The following BRI3 variants were observed in gnomAD, a reference collection of about 807,000 sequenced individuals.
BRI3 encodes the protein brain protein I3.
In BRI3, 6 loss-of-function variants were observed where a neutral mutation model predicts 12.8. That is an observed-to-expected ratio of 0.47 (90% CI 0.26 to 0.93). The LOEUF is 0.93. Among genes scored for constraint, BRI3 ranks in the 40% least tolerant of loss-of-function variants. The pLI is 0.15. For missense variants in BRI3, 134 were observed against 171.1 expected (o/e 0.78, Z 1.21); for synonymous variants, 91 against 76.1 (o/e 1.20, Z -1.02).
exon 2 of BRI3, chr7:98,310,271 A>C: frequency 1.7e-6 from 1 of 605,570 alleles, no homozygotes; most frequent in Non-Finnish European, 2.8e-6. Context: ...CTCACAGTCT[A>C]GTCCTGTATT....
the BRI3 span, chr7:98,315,659 T>A: frequency 1.3e-5 from 13 of 1,003,052 alleles, no homozygotes; most frequent in African/African-American, 2.2e-4. Context: ...AAGCATGACA[T>A]GAGCATCAGA....
downstream of BRI3, chr7:98,311,961 AG>A: frequency 1.2e-6 from 1 of 845,246 alleles, no homozygotes; most frequent in Non-Finnish European, 1.8e-6. Flanking sequence ...CCTAAAGGTA[AG>A]GGGATAGAGG....
chr7:98,315,432 G>A (rs2107716), downstream of BRI3: 630,313 of 1,377,078 alleles, frequency 0.46, 150,569 homozygotes, highest in Middle Eastern at 0.53. Flanking sequence ...TTATTAATAC[G>A]CTCAAGGCAA....
intron 1 of BRI3, among the ~76,000 whole-genome samples, chr7:98,299,456 C>A (rs1174791860): frequency 6.6e-6 from 1 of 152,140 alleles, no homozygotes; most frequent in Non-Finnish European, 1.5e-5. Context: ...CCGTGCCCGG[C>A]AGGCTGCCAT....
intron 2 of BRI3, chr7:98,282,748 C>T: frequency 2.9e-6 from 1 of 350,604 alleles, no homozygotes; most frequent in Non-Finnish European, 5.3e-6. Flanking sequence ...CAACGGGACT[C>T]GTGGTCCTTT....
intron 2 of BRI3, among the ~76,000 whole-genome samples, chr7:98,289,081 C>T (rs1333821014): frequency 6.6e-6 from 1 of 152,124 alleles, no homozygotes; most frequent in Non-Finnish European, 1.5e-5. Context: ...TTTCAGCTTC[C>T]CGAGTAGCTG....
chr7:98,312,444 G>A (rs1800907928), downstream of BRI3, among the ~76,000 whole-genome samples: 2 of 152,210 alleles, frequency 1.3e-5, no homozygotes. Context: ...CTCACCGGCT[G>A]AGAGGGGCAA....
At chr7:98,294,232 A>T (rs1231720060), downstream of BRI3, 4 of 1,001,446 alleles carry the variant, frequency 4.0e-6, no homozygotes, top group East Asian at 1.1e-4. Context: ...AGCTCACGTG[A>T]TCCTTCCACC....
chr7:98,283,997 G>A (rs1310932521), intron 2 of BRI3, among the ~76,000 whole-genome samples: 2 of 152,236 alleles, frequency 1.3e-5, no homozygotes, highest in African/African-American at 4.8e-5. Flanking sequence ...CCCTGCGGAG[G>A]CCCATGGCTT....
chr7:98,290,350 C>T (rs1312348909), intron 2 of BRI3, among the ~76,000 whole-genome samples: 9 of 151,732 alleles, frequency 5.9e-5, no homozygotes, highest in South Asian at 2.1e-4. Flanking sequence ...CGCCCGCCAC[C>T]GCGCCCGGCT....
the BRI3 span, among the ~76,000 whole-genome samples, chr7:98,318,667 C>T: frequency 4.0e-5 from 6 of 151,282 alleles, no homozygotes; most frequent in Non-Finnish European, 7.4e-5. Context: ...GATGTCTGGC[C>T]GGCATGGTGG....
intron 2 of BRI3, among the ~76,000 whole-genome samples, chr7:98,287,256 G>T (rs1477013882): frequency 6.6e-6 from 1 of 152,244 alleles, no homozygotes. Flanking sequence ...CGGTGTGGAG[G>T]TGGGCAGGAG....
chr7:98,293,423 A>G (rs533721569), downstream of BRI3: 2 of 1,154,418 alleles, frequency 1.7e-6, no homozygotes, highest in African/African-American at 3.0e-5. Context: ...AGGCCTCTCC[A>G]CTGAAGCTTC....
At chr7:98,305,686 G>A (rs543807902), upstream of BRI3, among the ~76,000 whole-genome samples, 1 of 152,288 alleles carries the variant, frequency 6.6e-6, no homozygotes, top group Admixed American at 6.5e-5. Flanking sequence ...ATCTCCCAAA[G>A]TGCTGGGATT....
chr7:98,304,773 T>C (rs997243898), upstream of BRI3, among the ~76,000 whole-genome samples: 4 of 151,924 alleles, frequency 2.6e-5, no homozygotes, highest in African/African-American at 9.7e-5. Flanking sequence ...GGTCTTGAAC[T>C]CCTGACCTCA....
intron 2 of BRI3, among the ~76,000 whole-genome samples, chr7:98,284,484 A>G (rs965682664): frequency 6.6e-6 from 1 of 152,124 alleles, no homozygotes; most frequent in Non-Finnish European, 1.5e-5. Flanking sequence ...CCTCTCTGCG[A>G]GGAGAGTGGA....
chr7:98,286,807 A>T (rs975044761), intron 2 of BRI3, among the ~76,000 whole-genome samples: 1 of 152,268 alleles, frequency 6.6e-6, no homozygotes, highest in Non-Finnish European at 1.5e-5. Flanking sequence ...ATGAATATTC[A>T]GATAAAGTAG....
downstream of BRI3, among the ~76,000 whole-genome samples, chr7:98,295,848 A>G (rs1051639663): frequency 2.0e-5 from 3 of 152,202 alleles, no homozygotes; most frequent in Non-Finnish European, 2.9e-5. Flanking sequence ...CAAAGAACGC[A>G]GCAAGAAGCA....
downstream of BRI3, chr7:98,292,521 A>C (rs1174223724): frequency 3.0e-6 from 3 of 984,484 alleles, no homozygotes; most frequent in Non-Finnish European, 4.6e-6. Context: ...CTTGGCAGCC[A>C]AAGATGATTT....
Sources: gnomAD v4.1 joint callset for allele counts (sites outside exome capture counted in the v4.1 genomes callset) on GRCh38, gnomAD v4.1.1 for gene constraint, MANE v1.5 for transcripts, NCBI Gene and HGNC (gene_info 2026-07-23, HGNC 2026-07-21) for gene names.